The following TXNDC16 variants were observed in gnomAD, a reference collection of about 807,000 sequenced individuals.
TXNDC16 encodes the protein thioredoxin domain-containing protein 16.
A neutral mutation model predicts 85.6 loss-of-function variants in TXNDC16; 74 were observed. The observed-to-expected ratio is 0.86, with a 90% CI of 0.72 to 1.05. The LOEUF is 1.05. Among genes scored for constraint, TXNDC16 ranks in the 50% least tolerant of loss-of-function variants. The pLI, the probability that TXNDC16 is intolerant of heterozygous loss-of-function variation, is 0.00. For missense variants in TXNDC16, 959 were observed against 947.0 expected, an observed-to-expected ratio of 1.01 and a Z score of -0.17; for synonymous variants, 335 against 326.5, an observed-to-expected ratio of 1.03 and a Z score of -0.28.
At chr14:52,528,873 T>TTA (rs199929019) in intron 6 of TXNDC16, among the ~76,000 whole-genome samples, 15,656 of 146,646 alleles carry the variant, frequency 0.11, 1,095 homozygotes, top group Non-Finnish European at 0.15. Flanking sequence ...ATAATACCTA[T>TTA]TATATATATT....
At chr14:52,461,359 G>A (rs964358595) in intron 16 of TXNDC16, among the ~76,000 whole-genome samples, 1 of 151,470 alleles carries the variant, frequency 6.6e-6, no homozygotes. Flanking sequence ...AATATATTTA[G>A]CTTTTTTATA....
chr14:52,543,664 T>G, intron 2 of TXNDC16, 34 bp from the exon 3 acceptor site: 1 of 1,235,412 alleles, frequency 8.1e-7, no homozygotes, highest in Non-Finnish European at 1.1e-6. Flanking sequence ...AAGAGTTTGT[T>G]GAATGAATTT....
Position 52,435,120 on chromosome 14 carries a change from G to A in TXNDC16, c.2195-2533C>T, listed in dbSNP as rs75461226. Reference sequence around the variant, plus strand: ...ATTCATTTTTTAATAACTATGTGATGTATTCAGAGTGGAAACTATTAAACT... The same window carrying A: ...ATTCATTTTTTAATAACTATGTGATATATTCAGAGTGGAAACTATTAAACT... On this transcript the variant is annotated intron_variant, in intron 20 of 20. Transcript: ENST00000281741. Among the ~76,000 whole-genome samples the A allele has an allele frequency of 9.4e-3, 1,425 of 152,264 alleles. 23 individuals carry two copies. The highest frequency in any genetic ancestry group is 0.033 in the African/African-American group (1,364 of 41,534).
At chr14:52,451,198 A>G (rs1198718556) in intron 18 of TXNDC16, among the ~76,000 whole-genome samples, 1 of 151,832 alleles carries the variant, frequency 6.6e-6, no homozygotes, top group Non-Finnish European at 1.5e-5. Flanking sequence ...GGGTGCAGAA[A>G]TCACCACTAA....
intron 16 of TXNDC16, among the ~76,000 whole-genome samples, chr14:52,459,129 C>T (rs2035598053): frequency 6.6e-6 from 1 of 152,084 alleles, no homozygotes; most frequent in African/African-American, 2.4e-5. Flanking sequence ...ATTTTAATTG[C>T]ATAAAATAAA....
chr14:52,520,345 C>T (rs995876307), intron 6 of TXNDC16, among the ~76,000 whole-genome samples: 10 of 152,086 alleles, frequency 6.6e-5, no homozygotes, highest in Non-Finnish European at 1.2e-4. Context: ...TACTTCTGGC[C>T]GAGCACAGTG....
chr14:52,508,400 A>T (rs1289841437), intron 9 of TXNDC16, among the ~76,000 whole-genome samples: 1 of 152,210 alleles, frequency 6.6e-6, no homozygotes. Context: ...GGCGATCATT[A>T]AAAAGTCAGG....
intron 6 of TXNDC16, among the ~76,000 whole-genome samples, chr14:52,524,080 A>C (rs1053773157): frequency 6.6e-6 from 1 of 152,238 alleles, no homozygotes; most frequent in African/African-American, 2.4e-5. Context: ...TTGTGTAGGA[A>C]CAAATCTGAT....
intron 14 of TXNDC16, among the ~76,000 whole-genome samples, chr14:52,481,457 T>C (rs939568331): frequency 6.6e-5 from 10 of 152,206 alleles, no homozygotes; most frequent in East Asian, 5.8e-4. Flanking sequence ...CATCAGTACA[T>C]AGTTTCCACT....
intron 6 of TXNDC16, among the ~76,000 whole-genome samples, chr14:52,530,263 T>TATATATATTATTATATAATAA (rs1555342447): frequency 0.027 from 1,773 of 65,374 alleles, 131 homozygotes; most frequent in African/African-American, 0.11. Flanking sequence ...TATTATATAA[T>TATATATATTATTATATAATAA]ATATATTATT....
intron 14 of TXNDC16, among the ~76,000 whole-genome samples, chr14:52,478,210 T>C (rs1489189435): frequency 6.6e-6 from 1 of 152,050 alleles, no homozygotes; most frequent in African/African-American, 2.4e-5. Flanking sequence ...TAGCCCTAAC[T>C]GCTTACATCA....
intron 4 of TXNDC16, 47 bp downstream of exon 4, chr14:52,542,324 G>A: frequency 8.0e-7 from 1 of 1,252,240 alleles, no homozygotes; most frequent in Non-Finnish European, 1.2e-6. Context: ...CCATAAAGTT[G>A]TAAGATGTTC....
chr14:52,519,435 A>C, intron 6 of TXNDC16, 142 bp from the exon 7 acceptor site: 1 of 617,068 alleles, frequency 1.6e-6, no homozygotes, highest in Admixed American at 3.1e-5. Context: ...CATTTTAATA[A>C]TACTAAATTA....
intron 6 of TXNDC16, among the ~76,000 whole-genome samples, chr14:52,524,495 G>T (rs1217566756): frequency 6.6e-6 from 1 of 151,872 alleles, no homozygotes; most frequent in East Asian, 1.9e-4. Context: ...TGCATCATTT[G>T]ATTTTTTATT....
At chr14:52,436,340 A>G (rs1251834809) in intron 20 of TXNDC16, among the ~76,000 whole-genome samples, 1 of 152,224 alleles carries the variant, frequency 6.6e-6, no homozygotes, top group Non-Finnish European at 1.5e-5. Flanking sequence ...ATTATATGAT[A>G]CCATTTATAT....
intron 9 of TXNDC16, among the ~76,000 whole-genome samples, chr14:52,507,757 C>T (rs1033831768): frequency 1.3e-5 from 2 of 152,094 alleles, no homozygotes; most frequent in South Asian, 2.1e-4. Flanking sequence ...AGAAATAATG[C>T]CGCATATCTA....
chr14:52,455,397 T>TCTA lies in TXNDC16; in HGVS notation c.1766_1768dup (p.Ile589_Glu590insVal), dbSNP rs1218369532. 6.2e-7 allele frequency: 1 copy of TCTA among 1,614,062 alleles called. No individual in the cohort carries two copies. Among genetic ancestry groups the TCTA allele is most frequent in the Non-Finnish European group, 8.5e-7 (1 of 1,179,950 alleles). ...ATGTGTGCTAGCTAGTGGGATGCTC[T>TCTA]CTATTTTGCCTTCTGTGTGTCTGGC... On this transcript the variant is annotated inframe_insertion, in exon 18 of 21. Coordinates refer to ENST00000281741, the MANE Select transcript of TXNDC16 (RefSeq NM_020784.3).
chr14:52,525,236 T>TTA (rs960185917), intron 6 of TXNDC16, among the ~76,000 whole-genome samples: 14 of 151,862 alleles, frequency 9.2e-5, no homozygotes, highest in African/African-American at 1.7e-4. Flanking sequence ...CTTCCTGCAT[T>TTA]TATATATATA....
intron 1 of TXNDC16, among the ~76,000 whole-genome samples, chr14:52,544,624 A>G (rs1410354684): frequency 6.6e-6 from 1 of 152,074 alleles, no homozygotes. Flanking sequence ...GAAAAATCAT[A>G]TTAAATTGAG....
Sources: gnomAD v4.1 joint callset for allele counts (sites outside exome capture counted in the v4.1 genomes callset) on GRCh38, gnomAD v4.1.1 for gene constraint, MANE v1.5 for transcripts, NCBI Gene and HGNC (gene_info 2026-07-23, HGNC 2026-07-21) for gene names.